FRMD4B: variants seen among roughly 807,000 people sequenced by gnomAD.
FRMD4B encodes the protein FERM domain-containing protein 4B.
In FRMD4B, 74 loss-of-function variants were observed where a neutral mutation model predicts 141.5. The ratio of observed to expected loss-of-function variants is 0.52; its 90% confidence interval spans 0.43 to 0.63. The LOEUF is 0.63. Among genes scored for constraint, FRMD4B ranks in the 30% least tolerant of loss-of-function variants. The pLI, the probability that FRMD4B is intolerant of heterozygous loss-of-function variation, is 0.00. For missense variants in FRMD4B, 1,366 were observed against 1,253.4 expected (o/e 1.09, Z -1.36); for synonymous variants, 506 against 467.9 (o/e 1.08, Z -1.05).
intron 7 of FRMD4B, among the ~76,000 whole-genome samples, chr3:69,227,415 C>A (rs192186853): frequency 2.6e-5 from 4 of 152,058 alleles, no homozygotes; most frequent in South Asian, 2.1e-4. Context: ...ATAATCCCAG[C>A]GCTTTGGGAG....
At chr3:69,374,949 T>C (rs1361756993) in intron 1 of FRMD4B, among the ~76,000 whole-genome samples, 1 of 152,148 alleles carries the variant, frequency 6.6e-6, no homozygotes, top group Non-Finnish European at 1.5e-5. Context: ...TACGTGAAGA[T>C]AATTTGCCAG....
intron 1 of FRMD4B, among the ~76,000 whole-genome samples, chr3:69,456,267 A>G (rs1158925): frequency 0.32 from 48,126 of 151,962 alleles, 7,729 homozygotes; most frequent in East Asian, 0.53. Flanking sequence ...AAAAAACGCC[A>G]ACCGAGGTAG....
intron 21 of FRMD4B, among the ~76,000 whole-genome samples, chr3:69,177,963 G>A (rs894833708): frequency 1.5e-4 from 23 of 152,200 alleles, no homozygotes; most frequent in Non-Finnish European, 3.1e-4. Flanking sequence ...AGTAGCACAG[G>A]AAGGAATTCA....
chr3:69,214,581 G>A (rs965877849), intron 11 of FRMD4B, among the ~76,000 whole-genome samples: 2 of 152,142 alleles, frequency 1.3e-5, no homozygotes, highest in African/African-American at 4.8e-5. Flanking sequence ...AGATTCAGCT[G>A]AGCACAGTGG....
chr3:69,254,956 A>C (rs2093484129), intron 5 of FRMD4B, among the ~76,000 whole-genome samples: 1 of 152,202 alleles, frequency 6.6e-6, no homozygotes, highest in Non-Finnish European at 1.5e-5. Context: ...ATGCTCTTCC[A>C]AAATGCCAAT....
intron 1 of FRMD4B, among the ~76,000 whole-genome samples, chr3:69,479,901 C>A (rs4440128): frequency 0.14 from 20,611 of 151,778 alleles, 1,460 homozygotes; most frequent in South Asian, 0.19. Flanking sequence ...AGGCTTTGTT[C>A]GTTTCTTTTT....
At chr3:69,409,532 A>T (rs1183558797) in intron 2 of FRMD4B, among the ~76,000 whole-genome samples, 1 of 152,172 alleles carries the variant, frequency 6.6e-6, no homozygotes, top group Non-Finnish European at 1.5e-5. Flanking sequence ...GGCCACCAGC[A>T]TTCACCCTCA....
chr3:69,263,396 CTTT>C (rs67497031), intron 5 of FRMD4B, among the ~76,000 whole-genome samples: 3 of 72,916 alleles, frequency 4.1e-5, no homozygotes, highest in South Asian at 5.0e-4. Flanking sequence ...GTTACATGCA[CTTT>C]TTTTTTTTTT....
chr3:69,178,176 C>A (rs762058159), intron 21 of FRMD4B, among the ~76,000 whole-genome samples: 1 of 152,198 alleles, frequency 6.6e-6, no homozygotes, highest in Non-Finnish European at 1.5e-5. Flanking sequence ...TGCCCTTTTT[C>A]CATTTCCTGT....
chr3:69,279,729 CT>C (rs2093635458), intron 5 of FRMD4B, among the ~76,000 whole-genome samples: 2 of 104,720 alleles, frequency 1.9e-5, no homozygotes, highest in Non-Finnish European at 2.0e-5. Context: ...TCCCCTCCTC[CT>C]TCTCCTCTTC....
At chr3:69,362,020 C>T (rs1703484173) in intron 1 of FRMD4B, among the ~76,000 whole-genome samples, 1 of 152,084 alleles carries the variant, frequency 6.6e-6, no homozygotes, top group Non-Finnish European at 1.5e-5. Context: ...TATTATAGGT[C>T]TTCTTAATTT....
intron 3 of FRMD4B, among the ~76,000 whole-genome samples, chr3:69,305,776 T>G (rs963186924): frequency 6.6e-6 from 1 of 152,192 alleles, no homozygotes; most frequent in Non-Finnish European, 1.5e-5. Flanking sequence ...GAAAGCATAA[T>G]GTATATTTGT....
At chr3:69,393,826 G>A (rs1007565998) in intron 2 of FRMD4B, among the ~76,000 whole-genome samples, 1 of 152,032 alleles carries the variant, frequency 6.6e-6, no homozygotes, top group Non-Finnish European at 1.5e-5. Context: ...ATTTTCCCAA[G>A]AACAAGTAGG....
intron 1 of FRMD4B, among the ~76,000 whole-genome samples, chr3:69,442,923 G>T (rs1461571423): frequency 6.6e-6 from 1 of 152,214 alleles, no homozygotes; most frequent in African/African-American, 2.4e-5. Flanking sequence ...AAATCTGTTT[G>T]TTCTTCCCCA....
chr3:69,402,738 G>C (rs980954075), intron 2 of FRMD4B, among the ~76,000 whole-genome samples: 6 of 152,170 alleles, frequency 3.9e-5, no homozygotes, highest in African/African-American at 1.2e-4. Flanking sequence ...ATTATAGACA[G>C]TATGACATGA....
At chr3:69,245,739 C>A (rs1263008101) in intron 7 of FRMD4B, among the ~76,000 whole-genome samples, 1 of 149,130 alleles carries the variant, frequency 6.7e-6, no homozygotes, top group Non-Finnish European at 1.5e-5. Context: ...CCTTGGCTCA[C>A]TGCAACCTCC....
chr3:69,399,197 A>T (rs142671716), intron 2 of FRMD4B, among the ~76,000 whole-genome samples: 7 of 152,224 alleles, frequency 4.6e-5, no homozygotes, highest in Admixed American at 2.0e-4. Context: ...GGGGATTCCT[A>T]TTTGGTACTT....
rs773187186 is a variant in FRMD4B, at chr3:69,171,832, A to G, written c.*29T>C. On this transcript the variant is annotated 3_prime_UTR_variant, in exon 23 of 23. Coordinates refer to ENST00000398540, the MANE Select transcript of FRMD4B (RefSeq NM_015123.3). ...GCAAGGCACACTAGTGTGAGAACGC[A>G]GTGCTTGGTCAGGAGGTCCAACTGC... The G allele has an allele frequency of 2.1e-5, 34 of 1,604,456 alleles. No individual in the cohort carries two copies. The highest frequency in any genetic ancestry group is 2.8e-5 in the Non-Finnish European group (33 of 1,172,888).
intron 4 of FRMD4B, among the ~76,000 whole-genome samples, chr3:69,295,809 GTTTC>G (rs1199602390): frequency 2.0e-5 from 3 of 151,440 alleles, no homozygotes; most frequent in Non-Finnish European, 4.4e-5. Flanking sequence ...TCACAATATG[GTTTC>G]TTTCTTTCTT....
Sources: allele counts gnomAD v4.1 joint callset (sites outside exome capture counted in the v4.1 genomes callset), GRCh38; gene constraint gnomAD v4.1.1; transcripts MANE v1.5; gene names NCBI Gene and HGNC (gene_info 2026-07-23, HGNC 2026-07-21).